NUSAP1: variants seen among roughly 807,000 people sequenced by gnomAD.
NUSAP1 encodes nucleolar and spindle associated protein 1.
A neutral mutation model predicts 52.8 loss-of-function variants in NUSAP1; 32 were observed. That is an observed-to-expected ratio of 0.61 (90% CI 0.46 to 0.81). The LOEUF (loss-of-function observed/expected upper bound fraction) is 0.81. Ranked by LOEUF, NUSAP1 falls within the 40% of genes least tolerant of loss-of-function variation. The pLI is 0.00. For synonymous variants in NUSAP1, 195 were observed against 183.1 expected (o/e 1.06, Z -0.52); for missense variants, 499 against 522.3 (o/e 0.96, Z 0.43).
At chr15:41,379,108 C>T (rs891091855) in intron 10 of NUSAP1, among the ~76,000 whole-genome samples, 8 of 151,506 alleles carry the variant, frequency 5.3e-5, no homozygotes, top group South Asian at 4.2e-4. Flanking sequence ...TTCCCGCCCC[C>T]GCGTGCAGCT....
chr15:41,345,710 G>A (rs900245697), intron 2 of NUSAP1: 4 of 236,056 alleles, frequency 1.7e-5, no homozygotes, highest in East Asian at 1.7e-4. Flanking sequence ...CTCCCACCTC[G>A]GCCTCCCAAA....
At chr15:41,377,727 A>T (rs113832688) in intron 10 of NUSAP1, among the ~76,000 whole-genome samples, 1,825 of 121,600 alleles carry the variant, frequency 0.015, 22 homozygotes, top group Non-Finnish European at 0.023. Context: ...ATCATGGGCC[A>T]GGCACGGTGG....
intron 7 of NUSAP1, 59 bp downstream of exon 7, chr15:41,365,648 A>G (rs2049371894): frequency 7.3e-7 from 1 of 1,369,912 alleles, no homozygotes; most frequent in South Asian, 1.5e-5. Flanking sequence ...CTATATAAAA[A>G]AAAAATTTTT....
At chr15:41,334,114 G>A (rs1483388176) in intron 1 of NUSAP1, among the ~76,000 whole-genome samples, 6 of 94,910 alleles carry the variant, frequency 6.3e-5, no homozygotes, top group South Asian at 3.0e-4. Context: ...TTTTTTATTT[G>A]TTTGTTTGTT....
chr15:41,367,273 G>A (rs1408548617), intron 7 of NUSAP1, among the ~76,000 whole-genome samples: 1 of 152,176 alleles, frequency 6.6e-6, no homozygotes, highest in African/African-American at 2.4e-5. Flanking sequence ...CAGGCACATA[G>A]CCACTCAGCC....
Position 41,336,642 on chromosome 15 carries a change from CTTTTGGTT to C in NUSAP1, c.93+3597_93+3604del, listed in dbSNP as rs1265585878. 4.8e-3 allele frequency among the ~76,000 whole-genome samples: 514 copies of C among 107,404 alleles called. 1 individual carries two copies. Among genetic ancestry groups the C allele is most frequent in the South Asian group, 7.2e-3 (27 of 3,758 alleles). 70.5% of individuals were successfully genotyped at this position (107,404 alleles called of 152,430 possible). ...TTAATATGGGCATTTGATCCTCCTC[CTTTTGGTT>C]TTTTTTTTTTTTTTTTTTTGAGATA... On this transcript the variant is annotated intron_variant, in intron 1 of 10. Coordinates refer to ENST00000559596, the MANE Select transcript of NUSAP1 (RefSeq NM_016359.5).
intron 10 of NUSAP1, among the ~76,000 whole-genome samples, chr15:41,378,944 G>GTGTTTTTTTTTTT (rs1753387103): frequency 1.6e-5 from 1 of 63,270 alleles, no homozygotes; most frequent in African/African-American, 7.0e-5. Context: ...ACTTATCTTG[G>GTGTTTTTTTTTTT]TTTTTTTTTT....
At chr15:41,370,505 C>T (rs2049626151) in intron 7 of NUSAP1, among the ~76,000 whole-genome samples, 1 of 152,014 alleles carries the variant, frequency 6.6e-6, no homozygotes, top group South Asian at 2.1e-4. Context: ...AATCCCAGCA[C>T]TTTGAGAGAC....
intron 1 of NUSAP1, among the ~76,000 whole-genome samples, chr15:41,337,605 C>T (rs1595522359): frequency 6.6e-6 from 1 of 152,186 alleles, no homozygotes; most frequent in African/African-American, 2.4e-5. Context: ...TGCCCTATTT[C>T]TCTGTTCTTT....
At chr15:41,351,300 T>C (rs1389539693) in intron 4 of NUSAP1, among the ~76,000 whole-genome samples, 171 bp downstream of exon 4, 8 of 152,260 alleles carry the variant, frequency 5.3e-5, no homozygotes, top group Non-Finnish European at 1.5e-5. Context: ...CCAAAATCAA[T>C]GTGTCAGCAG....
At chr15:41,349,898 C>G (rs2140621116) in intron 3 of NUSAP1, among the ~76,000 whole-genome samples, 1 of 151,806 alleles carries the variant, frequency 6.6e-6, no homozygotes, top group Non-Finnish European at 1.5e-5. Context: ...TCCTGAGTAG[C>G]TGAGATTACA....
intron 6 of NUSAP1, among the ~76,000 whole-genome samples, chr15:41,365,116 G>A (rs917894807): frequency 1.3e-5 from 2 of 152,134 alleles, no homozygotes; most frequent in African/African-American, 2.4e-5. Flanking sequence ...ACGCTCTTCT[G>A]AACTTTGCCT....
intron 2 of NUSAP1, among the ~76,000 whole-genome samples, chr15:41,345,190 G>A (rs2048517887): frequency 6.6e-6 from 1 of 151,992 alleles, no homozygotes; most frequent in Admixed American, 6.6e-5. Context: ...AGTAGAGACG[G>A]GGTTTCACAA....
At chr15:41,358,773 A>G (rs901668261) in intron 6 of NUSAP1, among the ~76,000 whole-genome samples, 9 of 152,184 alleles carry the variant, frequency 5.9e-5, no homozygotes, top group Admixed American at 2.6e-4. Flanking sequence ...ATGAGAAACT[A>G]TTTCCAAAAT....
intron 1 of NUSAP1, among the ~76,000 whole-genome samples, chr15:41,339,722 T>C (rs1008610646): frequency 6.6e-6 from 1 of 151,954 alleles, no homozygotes; most frequent in Admixed American, 6.6e-5. Flanking sequence ...ACTTTGACTT[T>C]TCTATAGGCC....
intron 7 of NUSAP1, 192 bp downstream of exon 7, chr15:41,365,781 C>T (rs538650935): frequency 1.0e-4 from 28 of 274,782 alleles, no homozygotes; most frequent in Non-Finnish European, 1.8e-4. Context: ...AGTGCAGTGG[C>T]GCAATCTCAG....
chr15:41,359,096 G>A (rs749593489), intron 6 of NUSAP1, among the ~76,000 whole-genome samples: 1 of 152,144 alleles, frequency 6.6e-6, no homozygotes, highest in Non-Finnish European at 1.5e-5. Flanking sequence ...AGGCAGTGCC[G>A]AATGGAGGGC....
At chr15:41,333,930 CA>C (rs2048019005) in intron 1 of NUSAP1, among the ~76,000 whole-genome samples, 1 of 152,036 alleles carries the variant, frequency 6.6e-6, no homozygotes, top group Admixed American at 6.6e-5. Context: ...CAAAAACAAA[CA>C]AAAAACCCAA....
intron 2 of NUSAP1, 77 bp downstream of exon 2, chr15:41,342,531 T>G: frequency 9.3e-7 from 1 of 1,071,650 alleles, no homozygotes; most frequent in Non-Finnish European, 1.4e-6. Flanking sequence ...AACACACAAC[T>G]AGTGATGATT....
Sources: gnomAD v4.1 joint callset for allele counts (sites outside exome capture counted in the v4.1 genomes callset) on GRCh38, gnomAD v4.1.1 for gene constraint, MANE v1.5 for transcripts, NCBI Gene and HGNC (gene_info 2026-07-23, HGNC 2026-07-21) for gene names.